Variants in RBBP8 observed in about 807,000 individuals in gnomAD.
RBBP8 encodes DNA endonuclease RBBP8.
RBBP8 carries 88 observed loss-of-function variants against 108.3 expected under a neutral mutation model. The observed-to-expected ratio is 0.81, with a 90% CI of 0.68 to 0.97. The LOEUF is 0.97. Among genes scored for constraint, RBBP8 ranks in the 50% least tolerant of loss-of-function variants. RBBP8 has a pLI of 0.00. For synonymous variants in RBBP8, 332 were observed against 348.2 expected (o/e 0.95, Z 0.52); for missense variants, 1,023 against 1,049.0 (o/e 0.98, Z 0.34).
rs1380221281 is a variant in RBBP8 at position 22,984,995 on chromosome 18, GC to G, written c.709+6del. On this transcript the variant is annotated splice_donor_region_variant and intron_variant, in intron 8 of 18. Coordinates refer to ENST00000327155, the MANE Select transcript of RBBP8 (RefSeq NM_002894.3). ...AAAGTCAATCTCCAATGGCCAGTAAGCAAGATACTGAGATTACTTTACAAGT... is the reference window on the plus strand; with the variant it reads ...AAAGTCAATCTCCAATGGCCAGTAAGAAGATACTGAGATTACTTTACAAGT... The G allele has an allele frequency of 6.2e-7, 1 of 1,610,404 alleles. No homozygotes were observed. The highest frequency in any genetic ancestry group is 2.2e-5 in the East Asian group (1 of 44,640).
At chr18:23,016,771 G>A in intron 16 of RBBP8, 57 bp from the exon 17 acceptor site, 1 of 1,221,592 alleles carries the variant, frequency 8.2e-7, no homozygotes, top group Non-Finnish European at 1.2e-6. Flanking sequence ...GAATGTTTTG[G>A]GGATTATTTC....
intron 2 of RBBP8, among the ~76,000 whole-genome samples, chr18:22,943,262 CCT>C (rs1327560509): frequency 6.6e-6 from 1 of 150,672 alleles, no homozygotes; most frequent in African/African-American, 2.5e-5. Context: ...AAAGCGAGAC[CCT>C]GTCTCTACAA....
chr18:22,959,193 T>C (rs1224578975), intron 4 of RBBP8, among the ~76,000 whole-genome samples: 1 of 152,228 alleles, frequency 6.6e-6, no homozygotes, highest in Non-Finnish European at 1.5e-5. Context: ...CCTTGCATTC[T>C]CGAAAATATT....
chr18:23,004,069 A>C (rs1158315938), intron 15 of RBBP8, among the ~76,000 whole-genome samples: 2 of 107,420 alleles, frequency 1.9e-5, no homozygotes, highest in South Asian at 5.5e-4. Context: ...AAAAAAAAAA[A>C]AAAAAAAAAA....
intron 4 of RBBP8, among the ~76,000 whole-genome samples, chr18:22,963,651 A>C (rs1913309968): frequency 6.6e-6 from 1 of 152,256 alleles, no homozygotes; most frequent in South Asian, 2.1e-4. Context: ...CCTTTTTCAT[A>C]TATCTAGGAC....
intron 4 of RBBP8, among the ~76,000 whole-genome samples, chr18:22,953,520 T>C (rs1231573260): frequency 1.3e-5 from 2 of 152,208 alleles, no homozygotes; most frequent in Non-Finnish European, 2.9e-5. Context: ...GATAGTATTC[T>C]TCATCCTGCC....
chr18:22,968,232 C>G (rs1007171600), intron 4 of RBBP8, among the ~76,000 whole-genome samples: 2 of 151,964 alleles, frequency 1.3e-5, no homozygotes, highest in African/African-American at 4.8e-5. Flanking sequence ...ACCACCACAG[C>G]TGGCTAATTT....
intron 13 of RBBP8, 21 bp downstream of exon 13, chr18:22,996,483 A>T (rs1430697087): frequency 6.2e-7 from 1 of 1,611,906 alleles, no homozygotes; most frequent in Non-Finnish European, 8.5e-7. Context: ...AAGTAAAACC[A>T]AAACTCATTT....
At chr18:22,914,914 A>C (rs115110202) in intron 1 of RBBP8, among the ~76,000 whole-genome samples, 1,708 of 152,146 alleles carry the variant, frequency 0.011, 28 homozygotes, top group African/African-American at 0.039. Context: ...GGTCTGAAAA[A>C]CTTTTTAGGT....
intron 2 of RBBP8, among the ~76,000 whole-genome samples, chr18:22,939,875 G>T (rs1910912966): frequency 6.6e-6 from 1 of 152,182 alleles, no homozygotes. Flanking sequence ...GTCAGACCAG[G>T]CTTGATAATT....
intron 4 of RBBP8, among the ~76,000 whole-genome samples, chr18:22,956,536 C>T (rs1429693369): frequency 2.0e-5 from 3 of 152,100 alleles, no homozygotes; most frequent in South Asian, 2.1e-4. Context: ...TGTCTTGCTG[C>T]GTTGATCATA....
At chr18:22,927,975 G>C (rs1318727100) in intron 3 of RBBP8, among the ~76,000 whole-genome samples, 1 of 151,486 alleles carries the variant, frequency 6.6e-6, no homozygotes, top group Non-Finnish European at 1.5e-5. Flanking sequence ...TTGGGAGGCC[G>C]AGGAGGGTGG....
chr18:22,922,225 G>C (rs542860825), intron 3 of RBBP8, among the ~76,000 whole-genome samples: 3 of 152,072 alleles, frequency 2.0e-5, no homozygotes, highest in Middle Eastern at 3.4e-3. Flanking sequence ...AGGAGAAATA[G>C]GTGCAAAGAA....
At chr18:22,988,857 AAG>A (rs1323831036) in intron 8 of RBBP8, among the ~76,000 whole-genome samples, 1 of 152,242 alleles carries the variant, frequency 6.6e-6, no homozygotes, top group East Asian at 1.9e-4. Flanking sequence ...GTTTTCATGA[AAG>A]AGAGCGTAAA....
chr18:22,983,875 A>C (rs1337015674), intron 7 of RBBP8, among the ~76,000 whole-genome samples: 4 of 90,316 alleles, frequency 4.4e-5, no homozygotes, highest in African/African-American at 1.1e-4. Flanking sequence ...AGGTCAGGAG[A>C]TCGAGACCAT....
intron 1 of RBBP8, among the ~76,000 whole-genome samples, chr18:22,936,290 T>A (rs1185765111): frequency 6.6e-6 from 1 of 150,528 alleles, no homozygotes; most frequent in Non-Finnish European, 1.5e-5. Context: ...TTAGTAAAGA[T>A]GGGGTTTCAC....
At chr18:22,952,196 A>C (rs372045970) in intron 4 of RBBP8, among the ~76,000 whole-genome samples, 3 of 152,186 alleles carry the variant, frequency 2.0e-5, no homozygotes, top group East Asian at 3.9e-4. Flanking sequence ...GAAACCACTT[A>C]AGCAGGAGAA....
chr18:22,956,328 TTTTTG>T (rs1016134508), intron 4 of RBBP8, among the ~76,000 whole-genome samples: 11 of 152,232 alleles, frequency 7.2e-5, no homozygotes, highest in African/African-American at 2.4e-4. Flanking sequence ...TTGTTTGGTC[TTTTTG>T]TTTTGTTTTG....
At chr18:22,957,296 T>TTC (rs1555635640) in intron 4 of RBBP8, among the ~76,000 whole-genome samples, 1 of 146,498 alleles carries the variant, frequency 6.8e-6, no homozygotes, top group African/African-American at 2.5e-5. Flanking sequence ...TTTTTCTTTT[T>TTC]TTTTTTTTTT....
Sources: allele counts gnomAD v4.1 joint callset (sites outside exome capture counted in the v4.1 genomes callset), GRCh38; gene constraint gnomAD v4.1.1; transcripts MANE v1.5; gene names NCBI Gene and HGNC (gene_info 2026-07-23, HGNC 2026-07-21).